EML2: variants seen among roughly 807,000 people sequenced by gnomAD.
EML2 encodes echinoderm microtubule-associated protein-like 2.
Under a neutral mutation model 84.7 loss-of-function variants are expected in EML2, and 59 were observed. That is an observed-to-expected ratio of 0.70 (90% CI 0.56 to 0.86). The LOEUF (loss-of-function observed/expected upper bound fraction) is 0.86. Among genes scored for constraint, EML2 ranks in the 40% least tolerant of loss-of-function variants. The pLI is 0.00. For synonymous variants in EML2, 352 were observed against 348.9 expected, an observed-to-expected ratio of 1.01 and a Z score of -0.10; for missense variants, 818 against 855.6, an observed-to-expected ratio of 0.96 and a Z score of 0.55.
chr19:45,635,668 C>T (rs1318678743), intron 3 of EML2, among the ~76,000 whole-genome samples: 9 of 147,504 alleles, frequency 6.1e-5, no homozygotes, highest in Admixed American at 4.2e-4. Context: ...TCTCAGCTCA[C>T]GGCAACCTCC....
chr19:45,643,073 T>G (rs1345415839), upstream of EML2, among the ~76,000 whole-genome samples: 1 of 152,102 alleles, frequency 6.6e-6, no homozygotes, highest in Non-Finnish European at 1.5e-5. Context: ...GATAAGAGCA[T>G]TTGCAAAATG....
At chr19:45,632,278 C>T (rs1973144239) in intron 6 of EML2, among the ~76,000 whole-genome samples, 1 of 151,972 alleles carries the variant, frequency 6.6e-6, no homozygotes, top group Non-Finnish European at 1.5e-5. Context: ...AACTCCCCCT[C>T]CCGGGTTCAA....
chr19:45,632,944 C>A lies in EML2; in HGVS notation c.427G>T (p.Asp143Tyr). Reference sequence around the variant, plus strand: ...TGTAAGGTGGAGAGGGAAACTGAGTCCCAGATGCGCACGTGGGGCGGCAGC... The same window carrying A: ...TGTAAGGTGGAGAGGGAAACTGAGTACCAGATGCGCACGTGGGGCGGCAGC... Reference protein sequence around the residue: ...KPLPPHVRIWDSVSLSTLHVL... With the variant: ...KPLPPHVRIWYSVSLSTLHVL... The change falls in exon 6 of 19, where the codon GAC (aspartate) becomes TAC (tyrosine). Residue 143 changes from aspartate to tyrosine, a missense_variant. Coordinates refer to ENST00000245925, the MANE Select transcript of EML2 (RefSeq NM_012155.4). 1.2e-6 allele frequency: 2 copies of A among 1,614,164 alleles called. No homozygotes were observed. The highest frequency in any genetic ancestry group is 1.7e-6 in the Non-Finnish European group (2 of 1,180,026).
At chr19:45,642,549 C>T, upstream of EML2, 1 of 1,391,586 alleles carries the variant, frequency 7.2e-7, no homozygotes, top group Admixed American at 3.2e-5. Context: ...CTCTCCAACC[C>T]ATCCGCACAC....
intron 8 of EML2, 47 bp from the exon 9 acceptor site, chr19:45,624,865 G>A (rs1972122518): frequency 2.8e-6 from 4 of 1,419,288 alleles, no homozygotes; most frequent in Non-Finnish European, 3.9e-6. Context: ...ACTGAAGCAG[G>A]TAGCCTCCCA....
Position 45,634,482 on chromosome 19 carries a change from C to G in EML2, c.180-11G>C. On this transcript the variant is annotated splice_polypyrimidine_tract_variant and intron_variant, in intron 3 of 18. Coordinates refer to ENST00000245925, the MANE Select transcript of EML2 (RefSeq NM_012155.4). ...CCACGGTAGCCATAGCTGGAGCCAC[C>G]CAGGGGCTGGTTAAGGAATGTGTTT... 2 of 1,606,940 alleles carry G rather than the reference C, an allele frequency of 1.2e-6. No individual in the cohort carries two copies. The highest frequency in any genetic ancestry group is 1.1e-5 in the South Asian group (1 of 90,262).
chr19:45,613,898 G>T (rs1192984142), intron 17 of EML2, among the ~76,000 whole-genome samples: 3 of 152,092 alleles, frequency 2.0e-5, no homozygotes, highest in South Asian at 2.1e-4. Context: ...TGGTTCTAAG[G>T]CTCAGCAGGC....
At position 45,630,032 on chromosome 19, in the gene EML2, C is replaced by G. The variant is rs140145771; in HGVS notation, c.525G>C (p.Leu175=). ...VGFSKSNGGN[L]LCAVDESNDH... is the part of the protein sequence containing the mutation. ...CATTGGATTCATCCACTGCACACAG[C>G]AGGTTGCCTCCATTCTAAAGAGGAG... Residue 175 remains leucine (L), a synonymous_variant, in exon 7 of 19, where the codon CTG becomes CTC. Coordinates refer to ENST00000245925, the MANE Select transcript of EML2 (RefSeq NM_012155.4). 1.2e-5 allele frequency: 20 copies of G among 1,612,606 alleles called. No homozygotes were observed. The highest frequency in any genetic ancestry group is 1.4e-5 in the Non-Finnish European group (17 of 1,179,244).
At chr19:45,617,248 C>CA (rs1971199125) in intron 13 of EML2, among the ~76,000 whole-genome samples, 1 of 150,924 alleles carries the variant, frequency 6.6e-6, no homozygotes, top group Non-Finnish European at 1.5e-5. Context: ...TCTGTCCCCC[C>CA]AAAAAACAAA....
At chr19:45,620,265 C>T (rs1462358379) in intron 11 of EML2, among the ~76,000 whole-genome samples, 1 of 151,986 alleles carries the variant, frequency 6.6e-6, no homozygotes, top group African/African-American at 2.4e-5. Context: ...AGGCACACGC[C>T]ACCATGCCCA....
rs137860005 is a variant in EML2, at chr19:45,610,467, G to A, written c.1825-679C>T. On this transcript the variant is annotated intron_variant, in intron 18 of 18. Transcript: ENST00000245925. ...TGTAATCCCAGCACTTTGGGAGGCC[G>A]AGGTGGGGGTGGATCACTTGAGGTC... Among the ~76,000 whole-genome samples the A allele has an allele frequency of 7.2e-3, 1,100 of 152,026 alleles. 17 individuals are homozygous for A. The highest frequency in any genetic ancestry group is 0.025 in the African/African-American group (1,030 of 41,452).
intron 3 of EML2, among the ~76,000 whole-genome samples, chr19:45,637,563 C>T (rs1378532993): frequency 2.0e-5 from 3 of 149,022 alleles, no homozygotes; most frequent in East Asian, 3.9e-4. Flanking sequence ...ACTGCAACCT[C>T]GACCTCCCAG....
intron 17 of EML2, among the ~76,000 whole-genome samples, chr19:45,614,302 G>A (rs553016162): frequency 2.0e-5 from 3 of 152,326 alleles, no homozygotes; most frequent in East Asian, 1.9e-4. Context: ...CCAAGCCCAC[G>A]GCAGGCACAG....
At chr19:45,613,904 C>G (rs1421620205) in intron 17 of EML2, among the ~76,000 whole-genome samples, 1 of 152,170 alleles carries the variant, frequency 6.6e-6, no homozygotes, top group African/African-American at 2.4e-5. Flanking sequence ...TAAGGCTCAG[C>G]AGGCCCCATG....
chr19:45,613,394 G>T (rs1970688379), intron 18 of EML2, 147 bp downstream of exon 18: 3 of 916,490 alleles, frequency 3.3e-6, no homozygotes, highest in African/African-American at 3.3e-5. Context: ...GTTAAGAAAG[G>T]CCCTTGGGAT....
In EML2 at chr19:45,614,680, G is replaced by T; in HGVS notation, c.1618C>A (p.Gln540Lys). 6.2e-7 allele frequency: 1 copy of T among 1,614,008 alleles called. No individual in the cohort carries two copies. Among genetic ancestry groups the T allele is most frequent in the Non-Finnish European group, 8.5e-7 (1 of 1,179,898 alleles). Reference sequence around the variant, plus strand: ...CTCACAGCATCCGCACTGGTGATCTGCTTACAGGTAGCCGGGTCCCCTGGG... The same window carrying T: ...CTCACAGCATCCGCACTGGTGATCTTCTTACAGGTAGCCGGGTCCCCTGGG... The part of the protein sequence containing the change: ...ILYWDPATCK[Q>K]ITSADAVRNM... The change falls in exon 17 of 19, where the codon CAG (glutamine) becomes AAG (lysine). Residue 540 changes from glutamine to lysine, a missense_variant. Transcript: ENST00000245925.
At chr19:45,625,572 C>G (rs887073766) in intron 8 of EML2, among the ~76,000 whole-genome samples, 1 of 152,096 alleles carries the variant, frequency 6.6e-6, no homozygotes, top group African/African-American at 2.4e-5. Flanking sequence ...CTCCTGTCGG[C>G]GCCTCATTCA....
At chr19:45,642,295 T>A (rs980492669), upstream of EML2, 2 of 1,535,738 alleles carry the variant, frequency 1.3e-6, no homozygotes, top group Admixed American at 3.9e-5. Flanking sequence ...CAGCCGCTGC[T>A]CCAGCGCCGA....
chr19:45,616,809 TG>T lies in EML2; in HGVS notation c.1366del (p.His456ThrfsTer92). ...TGAGATCTGTTCATTGCCGTCTGTG[TG>T]GATAGCCACCAGGTCATGGGTCTCC... The part of the protein sequence containing the change: ...DTETHDLVAI[H>X]TDGNEQISVV... On this transcript the variant is annotated frameshift_variant, in exon 14 of 19. Transcript: ENST00000245925. LOFTEE classifies it high-confidence loss of function. 1.2e-6 allele frequency: 2 copies of T among 1,613,264 alleles called. No individual in the cohort carries two copies. The highest frequency in any genetic ancestry group is 1.7e-6 in the Non-Finnish European group (2 of 1,179,896).
Sources: gnomAD v4.1 joint callset for allele counts (sites outside exome capture counted in the v4.1 genomes callset) on GRCh38, gnomAD v4.1.1 for gene constraint, MANE v1.5 for transcripts, NCBI Gene and HGNC (gene_info 2026-07-23, HGNC 2026-07-21) for gene names.